ANP32A: variants seen among roughly 807,000 people sequenced by gnomAD.
The protein encoded by ANP32A is acidic leucine-rich nuclear phosphoprotein 32 family member A.
In ANP32A, 1 loss-of-function variant was observed where a neutral mutation model predicts 33.9. The ratio of observed to expected loss-of-function variants is 0.03; its 90% CI spans 0.01 to 0.14. The LOEUF (loss-of-function observed/expected upper bound fraction) is 0.14, where lower values mean the gene tolerates loss of function less well. Among genes scored for constraint, ANP32A ranks in the 10% least tolerant of loss-of-function variants. ANP32A has a pLI of 1.00. For missense variants in ANP32A, 155 were observed against 306.0 expected (o/e 0.51, Z 3.68); for synonymous variants, 115 against 120.5 (o/e 0.95, Z 0.30).
intron 1 of ANP32A, among the ~76,000 whole-genome samples, chr15:68,793,232 A>G (rs1040756867): frequency 1.3e-5 from 2 of 152,240 alleles, no homozygotes; most frequent in African/African-American, 4.8e-5. Context: ...CAGGTATAAC[A>G]TTAGGTGCTG....
intron 1 of ANP32A, among the ~76,000 whole-genome samples, chr15:68,797,030 G>A (rs191603810): frequency 1.4e-3 from 218 of 152,264 alleles, no homozygotes; most frequent in Non-Finnish European, 2.0e-3. Context: ...GTTACCCTGG[G>A]TAATAAGTGA....
rs147132964 is a variant in ANP32A at position 68,816,419 on chromosome 15, T to C, written c.54+4279A>G. 1.1e-4 allele frequency among the ~76,000 whole-genome samples: 17 copies of C among 152,274 alleles called. No individual in the cohort carries two copies. The East Asian group carries it at 3.3e-3, about 29-fold the overall frequency. ...GATGATAATAATAATACCTACCTCA[T>C]AGTGCTGTTGTGGGGACTAAATTAG... On this transcript the variant is annotated intron_variant, in intron 1 of 6. Transcript: ENST00000465139.
intron 1 of ANP32A, chr15:68,791,816 G>A (rs929477972): frequency 2.0e-5 from 3 of 152,758 alleles, no homozygotes. Flanking sequence ...ACCACATGGG[G>A]GAAAGACCCA....
chr15:68,811,060 T>TG (rs1381503739), intron 1 of ANP32A, among the ~76,000 whole-genome samples: 199 of 36,508 alleles, frequency 5.5e-3, no homozygotes, highest in Non-Finnish European at 0.012. Flanking sequence ...AGACTCTGTC[T>TG]GGGAAAAAAA....
chr15:68,810,131 G>A (rs1480863599), intron 1 of ANP32A, among the ~76,000 whole-genome samples: 4 of 152,182 alleles, frequency 2.6e-5, no homozygotes, highest in Non-Finnish European at 4.4e-5. Context: ...CAGCCAGGGA[G>A]GCCCAGAGAG....
At position 68,792,815 on chromosome 15, in the gene ANP32A, G is replaced by T. The variant is rs530969989; in HGVS notation, c.55-4896C>A. ...TCCATGATCTCAGCTCTCTCCCCCA[G>T]GCCTCAGGCTTCTGCCTCTGTAGAA... On this transcript the variant is annotated intron_variant, in intron 1 of 6. Transcript: ENST00000465139. 5.9e-5 allele frequency among the ~76,000 whole-genome samples: 9 copies of T among 152,308 alleles called. 1 individual carries two copies. In the South Asian group the frequency reaches 1.7e-3, roughly 28 times the overall value.
chr15:68,806,106 G>A (rs1894218559), intron 1 of ANP32A, among the ~76,000 whole-genome samples: 1 of 152,178 alleles, frequency 6.6e-6, no homozygotes, highest in South Asian at 2.1e-4. Context: ...TTGTGTATTT[G>A]CAGAAACCAC....
intron 1 of ANP32A, among the ~76,000 whole-genome samples, chr15:68,793,207 T>A (rs1551344): frequency 0.15 from 22,139 of 152,230 alleles, 2,310 homozygotes; most frequent in East Asian, 0.35. Context: ...TTAACAAATG[T>A]CCTGTTTATT....
rs776311932 is a variant in ANP32A, at chr15:68,787,802, C to T, written c.172G>A (p.Ala58Thr). ...STINVGLTSI[A>T]NLPKLNKLKK... ...AGTTTGTTTAACTTTGGTAAGTTTG[C>T]GATTGAGGTGAGGCCTACGTTGATT... Residue 58 changes from alanine (A) to threonine (T), a missense_variant, in exon 2 of 7, where the codon GCA (alanine) becomes ACA (threonine). Around this residue, in one of 4 missense-constraint regions of ANP32A, gnomAD observed 85 missense variants for 183.8 expected, o/e 0.46. Coordinates refer to ENST00000465139, the MANE Select transcript of ANP32A (RefSeq NM_006305.4). The T allele has an allele frequency of 2.5e-6, 4 of 1,613,990 alleles. No homozygotes were observed. The highest frequency in any genetic ancestry group is 2.2e-5 in the East Asian group (1 of 44,874).
intron 1 of ANP32A, among the ~76,000 whole-genome samples, chr15:68,795,494 G>C (rs942535998): frequency 4.6e-5 from 7 of 152,224 alleles, no homozygotes; most frequent in Non-Finnish European, 8.8e-5. Flanking sequence ...AGCCGCCGGC[G>C]CGGGGAGGGC....
At chr15:68,798,651 G>A (rs1894092420) in intron 1 of ANP32A, among the ~76,000 whole-genome samples, 1 of 152,176 alleles carries the variant, frequency 6.6e-6, no homozygotes, top group African/African-American at 2.4e-5. Context: ...CATCCTCCTT[G>A]AAGCAAGAGG....
At chr15:68,797,359 G>A (rs993035389) in intron 1 of ANP32A, among the ~76,000 whole-genome samples, 5 of 152,136 alleles carry the variant, frequency 3.3e-5, no homozygotes, top group African/African-American at 1.2e-4. Flanking sequence ...AACCACAGCC[G>A]TTCTTGGTGA....
chr15:68,787,949 G>T, intron 1 of ANP32A, 30 bp from the exon 2 acceptor site: 1 of 1,613,686 alleles, frequency 6.2e-7, no homozygotes, highest in South Asian at 1.1e-5. Context: ...TGTGAGCGGG[G>T]CTGAGGAATG....
chr15:68,787,613 C>G, intron 2 of ANP32A, 78 bp from the exon 3 acceptor site: 3 of 1,605,686 alleles, frequency 1.9e-6, no homozygotes, highest in Non-Finnish European at 2.6e-6. Context: ...CCGGCTTTCC[C>G]CAGACGGGCA....
At chr15:68,784,243 C>G in intron 4 of ANP32A, 154 bp downstream of exon 4, 2 of 812,906 alleles carry the variant, frequency 2.5e-6, no homozygotes, top group South Asian at 1.7e-5. Flanking sequence ...CCCTCCATAG[C>G]TTTGGAAGGT....
intron 1 of ANP32A, among the ~76,000 whole-genome samples, chr15:68,801,334 C>G (rs2958401): frequency 0.42 from 63,406 of 151,004 alleles, 13,655 homozygotes; most frequent in Middle Eastern, 0.56. Flanking sequence ...CGGACATCTC[C>G]TATGGGAGAA....
intron 1 of ANP32A, among the ~76,000 whole-genome samples, chr15:68,796,804 G>C (rs1894069795): frequency 6.6e-6 from 1 of 152,312 alleles, no homozygotes; most frequent in East Asian, 1.9e-4. Context: ...GCTTCTCCTA[G>C]TCCTCTAGTC....
chr15:68,792,696 A>G (rs923689141), intron 1 of ANP32A, among the ~76,000 whole-genome samples: 1 of 152,018 alleles, frequency 6.6e-6, no homozygotes, highest in Non-Finnish European at 1.5e-5. Flanking sequence ...TTGCCTCCAC[A>G]CCAGGTCTCT....
intron 1 of ANP32A, among the ~76,000 whole-genome samples, chr15:68,818,469 C>A (rs1053929629): frequency 6.6e-6 from 1 of 152,052 alleles, no homozygotes. Flanking sequence ...CCCCCTCCCC[C>A]GCAAATGTGC....
Sources: allele counts gnomAD v4.1 joint callset (sites outside exome capture counted in the v4.1 genomes callset), GRCh38; gene constraint gnomAD v4.1.1; regional missense constraint gnomAD v4.1.1; transcripts MANE v1.5; gene names NCBI Gene and HGNC (gene_info 2026-07-23, HGNC 2026-07-21).